The following PCDHAC2 variants were observed in gnomAD, a reference collection of about 807,000 sequenced individuals.
PCDHAC2 encodes protocadherin alpha-C2.
A neutral mutation model predicts 63.3 loss-of-function variants in PCDHAC2; 24 were observed. The observed-to-expected ratio is 0.38, with a 90% confidence interval of 0.27 to 0.53. The LOEUF (loss-of-function observed/expected upper bound fraction) is 0.53. Ranked by LOEUF, PCDHAC2 falls within the 20% of genes least tolerant of loss-of-function variation. The probability of loss-of-function intolerance (pLI) is 0.81; values close to 1 mark genes in which losing one functional copy is unlikely to be tolerated. For synonymous variants in PCDHAC2, 569 were observed against 529.4 expected (o/e 1.07, Z -1.03); for missense variants, 1,181 against 1,275.2 (o/e 0.93, Z 1.12).
chr5:140,988,512 T>TCC (rs2097301181), intron 3 of PCDHAC2, among the ~76,000 whole-genome samples: 1 of 152,218 alleles, frequency 6.6e-6, no homozygotes, highest in Non-Finnish European at 1.5e-5. Flanking sequence ...TGAAGCTTAC[T>TCC]TAAGTCTCTG....
chr5:141,006,503 G>A (rs1163915409), intron 3 of PCDHAC2, among the ~76,000 whole-genome samples: 2 of 152,168 alleles, frequency 1.3e-5, no homozygotes, highest in South Asian at 2.1e-4. Context: ...GTGAGCCACC[G>A]CGCCTGGCTG....
At chr5:141,005,562 C>T (rs928721111) in intron 3 of PCDHAC2, among the ~76,000 whole-genome samples, 2 of 151,226 alleles carry the variant, frequency 1.3e-5, no homozygotes, top group Admixed American at 6.6e-5. Flanking sequence ...ATTAGCCGGG[C>T]ATGGTGGCGC....
At chr5:140,999,138 C>G (rs530740266) in intron 3 of PCDHAC2, among the ~76,000 whole-genome samples, 1 of 152,258 alleles carries the variant, frequency 6.6e-6, no homozygotes, top group East Asian at 1.9e-4. Context: ...AATGTCACAG[C>G]CGGAAGTCTT....
Position 141,010,271 on chromosome 5 carries a change from C to T in PCDHAC2, c.*334C>T, listed in dbSNP as rs1031489236. The T allele has an allele frequency of 5.5e-5, 85 of 1,551,586 alleles. No individual in the cohort carries two copies. The highest frequency in any genetic ancestry group is 7.2e-5 in the Non-Finnish European group (83 of 1,146,992). On this transcript the variant is annotated 3_prime_UTR_variant, in exon 4 of 4. Coordinates refer to ENST00000289269, the MANE Select transcript of PCDHAC2 (RefSeq NM_018899.6). ...CTCTCTGCCCTGTGCTCCGGGGATCCTGTCTTGATGACACTTGCAGGGCAG... is the reference window on the plus strand; with the variant it reads ...CTCTCTGCCCTGTGCTCCGGGGATCTTGTCTTGATGACACTTGCAGGGCAG...
chr5:140,971,580 T>C (rs1028418438), intron 1 of PCDHAC2, among the ~76,000 whole-genome samples: 9 of 152,154 alleles, frequency 5.9e-5, no homozygotes, highest in African/African-American at 2.2e-4. Context: ...TTTCTTTTTT[T>C]CCTACCTAGT....
chr5:141,000,361 G>GTCTC (rs148596731), intron 3 of PCDHAC2, among the ~76,000 whole-genome samples: 446 of 26,454 alleles, frequency 0.017, 11 homozygotes, highest in Non-Finnish European at 0.022. Flanking sequence ...GTCTCTCTCT[G>GTCTC]TCTCTCTCTC....
rs959631573 is a variant in PCDHAC2, at chr5:140,968,044, A to G, written c.1278A>G (p.Pro426=). 2 of 1,614,024 alleles carry G rather than the reference A, an allele frequency of 1.2e-6. No homozygotes were observed. The highest frequency in any genetic ancestry group is 1.7e-6 in the Non-Finnish European group (2 of 1,180,014). Residue 426 remains proline (P), a synonymous_variant, in exon 1 of 4, where the codon CCA becomes CCG. Transcript: ENST00000289269. The part of the protein sequence containing the change: ...GNSYTLVVSG[P]LDRERVAVYN... ...CCTATACACTGGTGGTGAGCGGCCC[A>G]CTGGACCGAGAGCGGGTGGCTGTCT...
intron 3 of PCDHAC2, among the ~76,000 whole-genome samples, chr5:140,989,192 C>A (rs1458235302): frequency 6.6e-6 from 1 of 152,192 alleles, no homozygotes; most frequent in African/African-American, 2.4e-5. Context: ...GAATTACCCT[C>A]CCTTCTAGCT....
chr5:140,993,934 C>T (rs936977793), intron 3 of PCDHAC2, among the ~76,000 whole-genome samples: 5 of 152,044 alleles, frequency 3.3e-5, no homozygotes, highest in African/African-American at 1.2e-4. Context: ...AGAACATATC[C>T]CCATTGTTAA....
intron 1 of PCDHAC2, 74 bp downstream of exon 1, chr5:140,969,405 C>T (rs781817372): frequency 6.3e-7 from 1 of 1,577,066 alleles, no homozygotes; most frequent in Non-Finnish European, 8.6e-7. Flanking sequence ...TGTGATTTGG[C>T]TTTATTGAGT....
rs782637341 is a variant in PCDHAC2, at chr5:141,010,225, C to A, written c.*288C>A. Reference sequence around the variant, plus strand: ...CCGCCGCAAAGGAGAGGCTTCCCAGCCCCGCCAGTGAGAGGTTGGACTCTC... The same window carrying A: ...CCGCCGCAAAGGAGAGGCTTCCCAGACCCGCCAGTGAGAGGTTGGACTCTC... On this transcript the variant is annotated 3_prime_UTR_variant, in exon 4 of 4. Transcript: ENST00000289269. 11 of 1,551,730 alleles carry A rather than the reference C, an allele frequency of 7.1e-6. No homozygotes were observed. The highest frequency in any genetic ancestry group is 8.7e-6 in the Non-Finnish European group (10 of 1,147,034).
chr5:140,970,927 G>A (rs1481513155), intron 1 of PCDHAC2, among the ~76,000 whole-genome samples: 2 of 152,150 alleles, frequency 1.3e-5, no homozygotes, highest in African/African-American at 4.8e-5. Flanking sequence ...GAAGTGCCTG[G>A]TGTTAGTCAA....
chr5:140,967,123 C>T lies in PCDHAC2; in HGVS notation c.357C>T (p.Leu119=). Residue 119 remains leucine, a synonymous_variant, in exon 1 of 4, where the codon CTC becomes CTT. Coordinates refer to ENST00000289269, the MANE Select transcript of PCDHAC2 (RefSeq NM_018899.6). ...ALCEQRPRCL[L]SLEVLAHNPV... is the part of the protein sequence containing the mutation. ...GTGAGCAGCGGCCTCGCTGCCTGCT[C>T]AGCTTGGAAGTGCTGGCGCACAACC... 1 of 1,612,724 alleles carries T rather than the reference C, an allele frequency of 6.2e-7. No individual in the cohort carries two copies. The highest frequency in any genetic ancestry group is 8.5e-7 in the Non-Finnish European group (1 of 1,179,262).
At chr5:140,992,587 A>C (rs1393295001) in intron 3 of PCDHAC2, among the ~76,000 whole-genome samples, 2 of 152,186 alleles carry the variant, frequency 1.3e-5, no homozygotes, top group African/African-American at 2.4e-5. Context: ...CCTTGTATGC[A>C]TCTAGCGTCT....
At chr5:140,998,939 A>C (rs1299425979) in intron 3 of PCDHAC2, among the ~76,000 whole-genome samples, 2 of 152,248 alleles carry the variant, frequency 1.3e-5, no homozygotes, top group Admixed American at 1.3e-4. Flanking sequence ...CAGATGAAGA[A>C]ACTGTAAGTC....
At chr5:140,997,091 G>A (rs73268064) in intron 3 of PCDHAC2, among the ~76,000 whole-genome samples, 546 of 152,154 alleles carry the variant, frequency 3.6e-3, no homozygotes, top group Middle Eastern at 0.014. Flanking sequence ...AGAAAGTGCA[G>A]AGTTCTCATG....
In PCDHAC2 at chr5:140,967,324, G is replaced by A; in HGVS notation, c.558G>A (p.Glu186=). Residue 186 remains glutamate (E), a synonymous_variant, in exon 1 of 4, where the codon GAG becomes GAA. Transcript: ENST00000289269. ...DVGANSVQTY[E]LSPSEHFELD... is the part of the protein sequence containing the mutation. ...GCGCCAACTCAGTACAGACCTACGAGCTCAGCCCCAGCGAGCACTTCGAGC... is the reference window on the plus strand; with the variant it reads ...GCGCCAACTCAGTACAGACCTACGAACTCAGCCCCAGCGAGCACTTCGAGC... 4 of 1,609,186 alleles carry A rather than the reference G, an allele frequency of 2.5e-6. No individual in the cohort carries two copies. Among genetic ancestry groups the A allele is most frequent in the Non-Finnish European group, 3.4e-6 (4 of 1,176,666 alleles).
chr5:140,967,978 G>A lies in PCDHAC2; in HGVS notation c.1212G>A (p.Leu404=). Reference sequence around the variant, plus strand: ...CCAACCGGAAAGTGAGCCTGGGTCTGGAGGCCACACTGCCTTTCCGACTGA... The same window carrying A: ...CCAACCGGAAAGTGAGCCTGGGTCTAGAGGCCACACTGCCTTTCCGACTGA... The part of the protein sequence containing the change: ...SGPNRKVSLG[L]EATLPFRLNG... Residue 404 remains leucine (L), a synonymous_variant, in exon 1 of 4, where the codon CTG becomes CTA. Transcript: ENST00000289269. 5 of 1,614,206 alleles carry A rather than the reference G, an allele frequency of 3.1e-6. No individual in the cohort carries two copies. Among genetic ancestry groups the A allele is most frequent in the Non-Finnish European group, 3.4e-6 (4 of 1,180,040 alleles).
At chr5:140,993,081 A>G (rs966669704) in intron 3 of PCDHAC2, among the ~76,000 whole-genome samples, 34 of 152,234 alleles carry the variant, frequency 2.2e-4, no homozygotes, top group Non-Finnish European at 2.8e-4. Flanking sequence ...GTCTGCAATC[A>G]GCAGGGCTAT....
Sources: gnomAD v4.1 joint callset for allele counts (sites outside exome capture counted in the v4.1 genomes callset) on GRCh38, gnomAD v4.1.1 for gene constraint, MANE v1.5 for transcripts, NCBI Gene and HGNC (gene_info 2026-07-23, HGNC 2026-07-21) for gene names.